Variants in ANO4 observed in about 807,000 individuals in gnomAD.
The protein encoded by ANO4 is anoctamin 4.
In ANO4, 69 loss-of-function variants were observed where a neutral mutation model predicts 141.9. That is an observed-to-expected ratio of 0.49 (90% CI 0.40 to 0.59). The LOEUF (loss-of-function observed/expected upper bound fraction) is 0.59. Ranked by LOEUF, ANO4 falls within the 20% of genes least tolerant of loss-of-function variation. ANO4 has a pLI of 0.00. For synonymous variants in ANO4, 350 were observed against 394.3 expected, an observed-to-expected ratio of 0.89 and a Z score of 1.33; for missense variants, 894 against 1,162.2, an observed-to-expected ratio of 0.77 and a Z score of 3.36.
rs1156522144 is a variant in ANO4 at position 100,729,360 on chromosome 12, C to CAAAAAAAAAAAAA, written c.23-4396_23-4384dup. ...TAAAAGCAAGGGCAAAACTCTGTCT[C>CAAAAAAAAAAAAA]AAAAAAAAAAAAAAAAAAAAAAAAA... On this transcript the variant is annotated intron_variant, in intron 1 of 29. Transcript: ENST00000644049. Among the ~76,000 whole-genome samples the CAAAAAAAAAAAAA allele has an allele frequency of 5.8e-4, 13 of 22,574 alleles. 1 individual carries two copies. Among genetic ancestry groups the CAAAAAAAAAAAAA allele is most frequent in the Admixed American group, 1.8e-3 (2 of 1,082 alleles). The allele number at this position is 22,574 out of a possible 152,430, so 14.8% of individuals were successfully genotyped here.
chr12:101,114,078 G>A (rs778286532), intron 24 of ANO4, among the ~76,000 whole-genome samples: 1 of 152,178 alleles, frequency 6.6e-6, no homozygotes, highest in Non-Finnish European at 1.5e-5. Flanking sequence ...ATTGAGAGCT[G>A]GTGGTGGGTC....
intron 1 of ANO4, among the ~76,000 whole-genome samples, chr12:100,797,337 T>G (rs1232765020): frequency 2.0e-5 from 3 of 151,270 alleles, no homozygotes; most frequent in African/African-American, 7.3e-5. Flanking sequence ...AGATAATGCC[T>G]TTAAGAATTT....
At chr12:100,988,803 G>C (rs1356995577) in intron 8 of ANO4, among the ~76,000 whole-genome samples, 1 of 147,208 alleles carries the variant, frequency 6.8e-6, no homozygotes, top group Non-Finnish European at 1.5e-5. Flanking sequence ...CCTGGGAGGC[G>C]GAGGTTGCAG....
intron 3 of ANO4, among the ~76,000 whole-genome samples, chr12:100,759,810 G>A (rs1029248592): frequency 6.6e-6 from 1 of 152,124 alleles, no homozygotes; most frequent in African/African-American, 2.4e-5. Flanking sequence ...CCCCTGCTGG[G>A]GTAGTTTCCC....
chr12:100,887,659 G>A (rs2135978332), intron 1 of ANO4, among the ~76,000 whole-genome samples: 1 of 152,262 alleles, frequency 6.6e-6, no homozygotes, highest in East Asian at 1.9e-4. Context: ...CAAGGACTCT[G>A]TCTTTTAATT....
rs566701298 is a variant in ANO4 at position 101,017,648 on chromosome 12, C to G, written c.735-2386C>G. Among the ~76,000 whole-genome samples the G allele has an allele frequency of 6.6e-5, 10 of 152,344 alleles. No individual in the cohort carries two copies. The East Asian group carries it at 1.9e-3, about 29-fold the overall frequency. Reference sequence around the variant, plus strand: ...GGCAAGCGAGCAAACAGAGTCACCACAGGGGTAGCCTTTGGAGCCAGACTG... The same window carrying G: ...GGCAAGCGAGCAAACAGAGTCACCAGAGGGGTAGCCTTTGGAGCCAGACTG... On this transcript the variant is annotated intron_variant, in intron 8 of 27. Transcript: ENST00000392977.
At chr12:100,748,306 C>A (rs1426704287) in intron 3 of ANO4, among the ~76,000 whole-genome samples, 1 of 152,178 alleles carries the variant, frequency 6.6e-6, no homozygotes. Context: ...CAGACAGTGA[C>A]CCTGCAACCT....
chr12:100,823,519 C>G (rs1295234434), intron 1 of ANO4, among the ~76,000 whole-genome samples: 2 of 151,962 alleles, frequency 1.3e-5, no homozygotes, highest in Non-Finnish European at 2.9e-5. Context: ...TTGCTTCTAT[C>G]TATCACTTTT....
intron 5 of ANO4, among the ~76,000 whole-genome samples, chr12:100,958,342 A>ACT (rs2043264034): frequency 6.6e-6 from 1 of 150,728 alleles, no homozygotes; most frequent in Non-Finnish European, 1.5e-5. Flanking sequence ...TTCCCATTTC[A>ACT]CTCTCTCTCT....
chr12:100,885,437 A>T (rs1257661475), intron 1 of ANO4: 1 of 152,124 alleles, frequency 6.6e-6, no homozygotes, highest in African/African-American at 2.4e-5. Flanking sequence ...AATTTCTCTG[A>T]CCTTCCTTTA....
chr12:100,885,092 C>A (rs2039765117), intron 1 of ANO4, among the ~76,000 whole-genome samples: 1 of 152,222 alleles, frequency 6.6e-6, no homozygotes, highest in Non-Finnish European at 1.5e-5. Flanking sequence ...CTGATCCAAG[C>A]CACCAAAGGT....
At chr12:100,949,087 G>A (rs1592807765) in intron 5 of ANO4, among the ~76,000 whole-genome samples, 2 of 152,246 alleles carry the variant, frequency 1.3e-5, no homozygotes, top group South Asian at 2.1e-4. Flanking sequence ...ACAACCACAA[G>A]GAGATGAATT....
chr12:100,940,730 C>T (rs373042470), intron 4 of ANO4, among the ~76,000 whole-genome samples: 2 of 152,038 alleles, frequency 1.3e-5, no homozygotes, highest in African/African-American at 4.8e-5. Context: ...CTTCTTCATA[C>T]CACCATTGGA....
chr12:101,106,458 G>A (rs1284882874), intron 22 of ANO4, among the ~76,000 whole-genome samples: 1 of 151,532 alleles, frequency 6.6e-6, no homozygotes, highest in Non-Finnish European at 1.5e-5. Flanking sequence ...GATATGAACA[G>A]GGCAAAAAAA....
At chr12:101,065,673 A>G (rs1260520267) in intron 14 of ANO4, among the ~76,000 whole-genome samples, 1 of 152,188 alleles carries the variant, frequency 6.6e-6, no homozygotes, top group East Asian at 1.9e-4. Context: ...GCTGAATTCT[A>G]CCAAACATTT....
At chr12:100,732,389 A>T (rs1242867388) in intron 1 of ANO4, among the ~76,000 whole-genome samples, 3 of 139,972 alleles carry the variant, frequency 2.1e-5, no homozygotes, top group Non-Finnish European at 4.9e-5. Flanking sequence ...TGTCTGTAAA[A>T]GTGATTGGCC....
intron 8 of ANO4, among the ~76,000 whole-genome samples, chr12:101,012,164 C>T (rs902684181): frequency 2.6e-5 from 4 of 152,120 alleles, no homozygotes; most frequent in Non-Finnish European, 5.9e-5. Flanking sequence ...ATGGGAATCA[C>T]ATGATTTACT....
At chr12:100,776,099 A>G (rs1336105500) in intron 3 of ANO4, among the ~76,000 whole-genome samples, 5 of 152,172 alleles carry the variant, frequency 3.3e-5, no homozygotes, top group African/African-American at 1.2e-4. Flanking sequence ...AGAAAACCCT[A>G]TAAGGTAGCA....
At chr12:100,757,724 C>T (rs1009075510) in intron 3 of ANO4, among the ~76,000 whole-genome samples, 1 of 152,180 alleles carries the variant, frequency 6.6e-6, no homozygotes, top group East Asian at 1.9e-4. Flanking sequence ...GTTCTTTGTT[C>T]TTCTTTATAA....
Sources: allele counts gnomAD v4.1 joint callset (sites outside exome capture counted in the v4.1 genomes callset), GRCh38; gene constraint gnomAD v4.1.1; transcripts MANE v1.5; gene names NCBI Gene and HGNC (gene_info 2026-07-23, HGNC 2026-07-21).